The following CIB4 variants were observed in gnomAD, a reference collection of about 807,000 sequenced individuals.
CIB4 encodes calcium and integrin binding family member 4, also known as calcium and integrin-binding family member 4.
A neutral mutation model predicts 25.8 loss-of-function variants in CIB4; 25 were observed. That is an observed-to-expected ratio of 0.97 (90% CI 0.71 to 1.35). The LOEUF (loss-of-function observed/expected upper bound fraction) is 1.35, where lower values mean the gene tolerates loss of function less well. CIB4 is among the 40% of genes most tolerant of loss of function. The pLI is 0.00. For synonymous variants in CIB4, 75 were observed against 81.4 expected, an observed-to-expected ratio of 0.92 and a Z score of 0.42; for missense variants, 235 against 228.2, an observed-to-expected ratio of 1.03 and a Z score of -0.19.
chr2:26,606,385 G>C (rs192033062), intron 3 of CIB4, among the ~76,000 whole-genome samples: 5 of 152,234 alleles, frequency 3.3e-5, no homozygotes, highest in Admixed American at 1.3e-4. Flanking sequence ...AGAAGACAGA[G>C]GGGAGCAAAG....
intron 3 of CIB4, among the ~76,000 whole-genome samples, chr2:26,625,039 A>G (rs1201723117): frequency 6.6e-6 from 1 of 152,040 alleles, no homozygotes; most frequent in African/African-American, 2.4e-5. Context: ...TACACCTACT[A>G]TGTACCCACA....
At chr2:26,626,858 C>T (rs372077016) in intron 3 of CIB4, among the ~76,000 whole-genome samples, 29 of 152,260 alleles carry the variant, frequency 1.9e-4, no homozygotes, top group African/African-American at 6.7e-4. Flanking sequence ...AGGCTCCTCA[C>T]CCATGACATG....
chr2:26,589,066 C>CT (rs1668523432), intron 4 of CIB4, among the ~76,000 whole-genome samples: 6 of 46,304 alleles, frequency 1.3e-4, no homozygotes, highest in African/African-American at 3.5e-4. Context: ...CTTCCTCTTC[C>CT]TCTTCCTCTT....
Position 26,635,445 on chromosome 2 carries a change from T to C in CIB4, c.89+5088A>G, listed in dbSNP as rs1237703166. 2.6e-5 allele frequency among the ~76,000 whole-genome samples: 4 copies of C among 152,228 alleles called. No individual in the cohort carries two copies. The East Asian group carries it at 7.7e-4, about 29-fold the overall frequency. On this transcript the variant is annotated intron_variant, in intron 2 of 6. Coordinates refer to ENST00000288861, the MANE Select transcript of CIB4 (RefSeq NM_001029881.3). ...AGGTTACTTCTACCTATCGGTCTCT[T>C]GAATACTTTTTTAACTGGCTAAGTC...
At chr2:26,589,030 T>TTCCTCTTCC (rs1668516061) in intron 4 of CIB4, among the ~76,000 whole-genome samples, 1 of 37,720 alleles carries the variant, frequency 2.7e-5, no homozygotes, top group African/African-American at 1.1e-4. Context: ...CTTCTTCTTC[T>TTCCTCTTCC]TCTTCTTCTT....
intron 4 of CIB4, among the ~76,000 whole-genome samples, chr2:26,592,560 C>T (rs1025503885): frequency 1.4e-4 from 21 of 152,144 alleles, no homozygotes; most frequent in African/African-American, 4.8e-4. Flanking sequence ...GTCACTCTCT[C>T]CTCTCCTTGT....
chr2:26,603,397 A>T (rs7595042), intron 3 of CIB4, among the ~76,000 whole-genome samples: 2,838 of 152,270 alleles, frequency 0.019, 98 homozygotes, highest in African/African-American at 0.065. Context: ...AAATAAAGTA[A>T]ATATAAAAAT....
intron 2 of CIB4, among the ~76,000 whole-genome samples, chr2:26,637,583 A>C (rs138723257): frequency 3.9e-5 from 6 of 152,234 alleles, no homozygotes; most frequent in African/African-American, 1.4e-4. Flanking sequence ...TCAAACAGAA[A>C]GCTCTTCCCC....
At chr2:26,641,036 A>C (rs1034118151) in intron 1 of CIB4, among the ~76,000 whole-genome samples, 5 of 152,184 alleles carry the variant, frequency 3.3e-5, no homozygotes, top group Non-Finnish European at 7.3e-5. Flanking sequence ...AACTTTCTTA[A>C]AACATTATCA....
intron 3 of CIB4, among the ~76,000 whole-genome samples, chr2:26,625,470 C>T (rs1035820703): frequency 1.1e-4 from 17 of 151,880 alleles, no homozygotes; most frequent in Non-Finnish European, 1.9e-4. Flanking sequence ...CTCCTGCCTC[C>T]GCCTCCCAGA....
chr2:26,589,178 T>C (rs931712207), intron 4 of CIB4, among the ~76,000 whole-genome samples: 3 of 139,712 alleles, frequency 2.1e-5, no homozygotes, highest in Admixed American at 7.1e-5. Context: ...TTCTCCTTCT[T>C]CCTCTTCCTC....
chr2:26,591,238 G>A (rs1469426622), intron 4 of CIB4, among the ~76,000 whole-genome samples: 1 of 152,232 alleles, frequency 6.6e-6, no homozygotes, highest in South Asian at 2.1e-4. Flanking sequence ...ATTGGGCAAG[G>A]CTGGTCACCT....
At chr2:26,608,544 GA>G (rs1216888263) in intron 3 of CIB4, among the ~76,000 whole-genome samples, 1 of 152,150 alleles carries the variant, frequency 6.6e-6, no homozygotes, top group African/African-American at 2.4e-5. Flanking sequence ...TAAATGACCT[GA>G]TCGAACTCCC....
intron 4 of CIB4, 38 bp downstream of exon 4, chr2:26,595,138 T>C (rs1148962): frequency 0.89 from 1,405,902 of 1,583,050 alleles, 625,537 homozygotes; most frequent in East Asian, 1. Flanking sequence ...CTCTATGGCC[T>C]TTCCACCCCT....
intron 3 of CIB4, among the ~76,000 whole-genome samples, chr2:26,606,962 A>G (rs572908957): frequency 6.6e-6 from 1 of 152,324 alleles, no homozygotes; most frequent in Non-Finnish European, 1.5e-5. Context: ...ATATTATTAA[A>G]CAGCCATGGG....
At chr2:26,630,810 C>A (rs1270225571) in intron 2 of CIB4, among the ~76,000 whole-genome samples, 1 of 152,050 alleles carries the variant, frequency 6.6e-6, no homozygotes, top group Non-Finnish European at 1.5e-5. Context: ...TTGTGTTACC[C>A]GGGGCCTCAG....
chr2:26,600,616 C>T (rs955884722), intron 3 of CIB4, among the ~76,000 whole-genome samples: 3 of 152,086 alleles, frequency 2.0e-5, no homozygotes, highest in Non-Finnish European at 2.9e-5. Flanking sequence ...AGGCACTGCC[C>T]AAAAAGTGCC....
At position 26,582,808 on chromosome 2, in the gene CIB4, C is replaced by A. The variant is rs2289703; in HGVS notation, c.527+17G>T. On this transcript the variant is annotated intron_variant, in intron 6 of 6. Coordinates refer to ENST00000288861, the MANE Select transcript of CIB4 (RefSeq NM_001029881.3). ...ACCACTCTCCTGGACAGTCTCACCCCCTCCAGAATGCCTTACTTCATGAAA... is the reference window on the plus strand; with the variant it reads ...ACCACTCTCCTGGACAGTCTCACCCACTCCAGAATGCCTTACTTCATGAAA... 3 of 1,546,680 alleles carry A rather than the reference C, an allele frequency of 1.9e-6. No homozygotes were observed. The highest frequency in any genetic ancestry group is 1.1e-5 in the South Asian group (1 of 89,486).
At chr2:26,598,903 C>T (rs1172767951) in intron 3 of CIB4, among the ~76,000 whole-genome samples, 2 of 152,120 alleles carry the variant, frequency 1.3e-5, no homozygotes, top group Non-Finnish European at 2.9e-5. Flanking sequence ...CCGGTGTCCT[C>T]GGATCTGGTT....
Sources: allele counts gnomAD v4.1 joint callset (sites outside exome capture counted in the v4.1 genomes callset), GRCh38; gene constraint gnomAD v4.1.1; transcripts MANE v1.5; gene names NCBI Gene and HGNC (gene_info 2026-07-23, HGNC 2026-07-21).